The following CUBN variants were observed in gnomAD, a reference collection of about 807,000 sequenced individuals.
CUBN encodes cubilin.
A neutral mutation model predicts 405.3 loss-of-function variants in CUBN; 282 were observed. That is an observed-to-expected ratio of 0.70 (90% CI 0.63 to 0.77). The LOEUF (loss-of-function observed/expected upper bound fraction) is 0.77. Ranked by LOEUF, CUBN falls within the 30% of genes least tolerant of loss-of-function variation. CUBN has a pLI of 0.00. For missense variants in CUBN, 4,514 were observed against 4,475.2 expected (o/e 1.01, Z -0.25); for synonymous variants, 1,684 against 1,617.0 (o/e 1.04, Z -0.99).
rs976552442 is a variant in CUBN at position 16,840,975 on chromosome 10, T to G, written c.9736A>C (p.Ile3246Leu). ...FCGSTVPAPF[I>L]SSGNFLTVQF... is the part of the protein sequence containing the mutation. ...ACCGTAAGGAAGTTACCAGAAGAGA[T>G]AAAAGGAGCAGGTACTGTGGAACCA... The change falls in exon 61 of 67, where the codon ATC (isoleucine) becomes CTC (leucine). Residue 3246 changes from isoleucine to leucine, a missense_variant. By Grantham distance (5) the Ile-to-Leu change is conservative (BLOSUM62 2). Coordinates refer to ENST00000377833, the MANE Select transcript of CUBN (RefSeq NM_001081.4). 2.5e-6 allele frequency: 4 copies of G among 1,614,040 alleles called. No individual in the cohort carries two copies. Among genetic ancestry groups the G allele is most frequent in the Non-Finnish European group, 3.4e-6 (4 of 1,179,958 alleles).
intron 17 of CUBN, among the ~76,000 whole-genome samples, chr10:17,073,354 C>CA (rs1354959360): frequency 2.7e-5 from 4 of 150,104 alleles, no homozygotes; most frequent in African/African-American, 9.8e-5. Context: ...TCCATAAATT[C>CA]AAAAAACATT....
At chr10:17,003,321 G>T (rs917558157) in intron 28 of CUBN, among the ~76,000 whole-genome samples, 5 of 152,024 alleles carry the variant, frequency 3.3e-5, no homozygotes, top group African/African-American at 1.2e-4. Context: ...CATTACCAAC[G>T]GAGAGAAGGT....
chr10:16,862,160 T>TCGCA (rs144560387), intron 59 of CUBN, among the ~76,000 whole-genome samples: 1 of 131,164 alleles, frequency 7.6e-6, no homozygotes, highest in South Asian at 2.4e-4. Context: ...TCTCTCTCTC[T>TCGCA]CACACACACA....
chr10:16,874,620 T>C, intron 57 of CUBN, 117 bp from the exon 58 acceptor site: 4 of 1,247,284 alleles, frequency 3.2e-6, no homozygotes, highest in Non-Finnish European at 4.6e-6. Context: ...AATAATTATT[T>C]TTCTTAAAGT....
At position 16,967,165 on chromosome 10, in the gene CUBN, C is replaced by T. The variant is rs144443431; in HGVS notation, c.4696-12617G>A. Among the ~76,000 whole-genome samples, 187 of 152,234 alleles carry T rather than the reference C, an allele frequency of 1.2e-3. 2 individuals are homozygous for T. The highest frequency in any genetic ancestry group is 4.3e-3 in the African/African-American group (177 of 41,548). On this transcript the variant is annotated intron_variant, in intron 31 of 66. Transcript: ENST00000377833. Reference sequence around the variant, plus strand: ...TTTGTCAGTGATTTTTTTCCAGTTACGCTCCTTGGAAATTCAATACTAAGT... The same window carrying T: ...TTTGTCAGTGATTTTTTTCCAGTTATGCTCCTTGGAAATTCAATACTAAGT...
At position 16,870,544 on chromosome 10, in the gene CUBN, G is replaced by A. The variant is rs569064202; in HGVS notation, c.9237-691C>T. Among the ~76,000 whole-genome samples, 54 of 152,348 alleles carry A rather than the reference G, an allele frequency of 3.5e-4. No individual in the cohort carries two copies. The South Asian group carries it at 0.01, about 29-fold the overall frequency. On this transcript the variant is annotated intron_variant, in intron 58 of 66. Coordinates refer to ENST00000377833, the MANE Select transcript of CUBN (RefSeq NM_001081.4). Reference sequence around the variant, plus strand: ...TAGGAGTTGCTTTGACCACAGAAATGTAAGCAGAAGGGATACATATTACTT... The same window carrying A: ...TAGGAGTTGCTTTGACCACAGAAATATAAGCAGAAGGGATACATATTACTT...
chr10:16,992,680 C>G (rs920106425), intron 28 of CUBN, among the ~76,000 whole-genome samples: 2 of 152,174 alleles, frequency 1.3e-5, no homozygotes, highest in African/African-American at 4.8e-5. Context: ...TAGCTCAAAG[C>G]ACTACTATCT....
chr10:17,013,346 TTCTA>T lies in CUBN; in HGVS notation c.4168+6483_4168+6486del, dbSNP rs563980779. On this transcript the variant is annotated intron_variant, in intron 28 of 66. Coordinates refer to ENST00000377833, the MANE Select transcript of CUBN (RefSeq NM_001081.4). The stretch of plus-strand genomic sequence containing the variant: ...TCTTCTTCTCTCTCACTCTCTGACT[TTCTA>T]TCTCTCTGTCTCCTTCTCTTTCTTT... 8.6e-5 allele frequency among the ~76,000 whole-genome samples: 13 copies of T among 151,968 alleles called. No individual in the cohort carries two copies. The East Asian group carries it at 1.9e-3, about 23-fold the overall frequency.
chr10:16,859,769 A>G (rs1839964749), intron 59 of CUBN, among the ~76,000 whole-genome samples: 2 of 152,238 alleles, frequency 1.3e-5, no homozygotes, highest in Admixed American at 6.5e-5. Flanking sequence ...GGAAGCATAG[A>G]ATTTCAGGAA....
chr10:16,911,074 G>A (rs938879331), intron 48 of CUBN, among the ~76,000 whole-genome samples: 1 of 152,148 alleles, frequency 6.6e-6, no homozygotes, highest in African/African-American at 2.4e-5. Flanking sequence ...AAAGGCTCAA[G>A]GAAGGATATT....
At chr10:16,957,355 C>G (rs1192326586) in intron 31 of CUBN, among the ~76,000 whole-genome samples, 1 of 152,188 alleles carries the variant, frequency 6.6e-6, no homozygotes, top group Non-Finnish European at 1.5e-5. Context: ...CATGATGCCA[C>G]AAATGACAGG....
intron 28 of CUBN, among the ~76,000 whole-genome samples, chr10:17,015,738 C>T (rs1834310454): frequency 6.6e-6 from 1 of 152,162 alleles, no homozygotes; most frequent in Non-Finnish European, 1.5e-5. Flanking sequence ...GGGCAGTGCA[C>T]CTTCCAGTGA....
rs1405056449 is a variant in CUBN at position 16,840,449 on chromosome 10, T to C, written c.9913A>G (p.Ile3305Val). 1 of 1,614,028 alleles carries C rather than the reference T, an allele frequency of 6.2e-7. No homozygotes were observed. Among genetic ancestry groups the C allele is most frequent in the Non-Finnish European group, 8.5e-7 (1 of 1,179,964 alleles). The change falls in exon 62 of 67, where the codon ATC becomes GTC. Residue 3305 changes from isoleucine (I) to valine (V), a missense_variant. This residue lies in a region of CUBN where 1,186 missense variants were observed against 1,186.9 expected (regional missense o/e 1.00). Coordinates refer to ENST00000377833, the MANE Select transcript of CUBN (RefSeq NM_001081.4). ...NSSDPDVPFSICTWVIDSPPH... is the reference protein window; with the variant it reads ...NSSDPDVPFSVCTWVIDSPPH... ...GGGGAATCAATGACCCAAGTACAGA[T>C]GGAAAATGGGACATCTGGGTCTGAT...
At chr10:16,993,016 T>C (rs1833638044) in intron 28 of CUBN, among the ~76,000 whole-genome samples, 1 of 152,220 alleles carries the variant, frequency 6.6e-6, no homozygotes, top group Non-Finnish European at 1.5e-5. Flanking sequence ...CACAGGACAT[T>C]CTATAACAGG....
intron 31 of CUBN, among the ~76,000 whole-genome samples, chr10:16,976,503 ATT>A (rs869150318): frequency 9.8e-5 from 3 of 30,528 alleles, no homozygotes; most frequent in Non-Finnish European, 2.3e-4. Context: ...TGTTATTATT[ATT>A]TTTTTTTTAG....
At chr10:16,945,246 A>G (rs1315315440) in intron 36 of CUBN, among the ~76,000 whole-genome samples, 2 of 152,166 alleles carry the variant, frequency 1.3e-5, no homozygotes, top group Non-Finnish European at 2.9e-5. Flanking sequence ...TAGGCCTACT[A>G]AAGCTGTGCG....
chr10:16,928,991 G>A (rs896232623), intron 40 of CUBN, among the ~76,000 whole-genome samples: 12 of 37,998 alleles, frequency 3.2e-4, no homozygotes, highest in African/African-American at 1.4e-3. Context: ...TGAAGGTCAA[G>A]TAGGTAAAAG....
intron 31 of CUBN, among the ~76,000 whole-genome samples, chr10:16,975,597 C>A (rs1833066926): frequency 6.6e-6 from 1 of 150,824 alleles, no homozygotes; most frequent in South Asian, 2.1e-4. Flanking sequence ...TTGTCTCTGG[C>A]CCATTCAAAC....
intron 59 of CUBN, among the ~76,000 whole-genome samples, chr10:16,855,312 T>C (rs1839840842): frequency 1.3e-5 from 2 of 152,028 alleles, no homozygotes; most frequent in African/African-American, 2.4e-5. Flanking sequence ...AGTATATTTT[T>C]CTGTGCACTT....
Sources: allele counts gnomAD v4.1 joint callset (sites outside exome capture counted in the v4.1 genomes callset), GRCh38; gene constraint gnomAD v4.1.1; regional missense constraint gnomAD v4.1.1; transcripts MANE v1.5; gene names NCBI Gene and HGNC (gene_info 2026-07-23, HGNC 2026-07-21).